The following DTNA variants were observed in gnomAD, a reference collection of about 807,000 sequenced individuals.
DTNA encodes dystrobrevin alpha, also known as dystrophin-related protein 3.
In DTNA, 43 loss-of-function variants were observed where a neutral mutation model predicts 100.7. The ratio of observed to expected loss-of-function variants is 0.43; its 90% CI spans 0.33 to 0.55. The LOEUF (loss-of-function observed/expected upper bound fraction) is 0.55. DTNA is among the 20% of genes least tolerant of loss of function. The pLI is 0.04. For missense variants in DTNA, 798 were observed against 953.9 expected, an observed-to-expected ratio of 0.84 and a Z score of 2.15; for synonymous variants, 349 against 347.9, an observed-to-expected ratio of 1.00 and a Z score of -0.04.
intron 1 of DTNA, among the ~76,000 whole-genome samples, chr18:34,634,705 A>C (rs1568079251): frequency 6.6e-6 from 1 of 152,198 alleles, no homozygotes; most frequent in African/African-American, 2.4e-5. Context: ...TTTAAAAAAA[A>C]TTTAATTAAC....
chr18:34,607,279 A>C (rs1598970729), intron 1 of DTNA, among the ~76,000 whole-genome samples: 1 of 152,320 alleles, frequency 6.6e-6, no homozygotes, highest in East Asian at 1.9e-4. Flanking sequence ...ATTTAAACTA[A>C]GAGTTTCAAG....
chr18:34,794,846 G>A (rs912563906), intron 4 of DTNA, among the ~76,000 whole-genome samples: 5 of 152,256 alleles, frequency 3.3e-5, no homozygotes, highest in African/African-American at 1.2e-4. Flanking sequence ...TTTCAGGGCT[G>A]GCTGAGATCT....
chr18:34,643,388 C>G (rs1180938423), intron 1 of DTNA, among the ~76,000 whole-genome samples: 2 of 152,224 alleles, frequency 1.3e-5, no homozygotes, highest in African/African-American at 4.8e-5. Context: ...TGATAAGAGT[C>G]TACAAGAATC....
intron 1 of DTNA, among the ~76,000 whole-genome samples, chr18:34,505,619 T>G (rs900417846): frequency 4.6e-5 from 7 of 152,214 alleles, no homozygotes; most frequent in Non-Finnish European, 8.8e-5. Context: ...ATTCTGCTCT[T>G]GAGCCCACCC....
chr18:34,783,140 T>C (rs1027764228), intron 3 of DTNA, among the ~76,000 whole-genome samples: 1 of 152,254 alleles, frequency 6.6e-6, no homozygotes, highest in South Asian at 2.1e-4. Context: ...CCTTCTCTTA[T>C]TATTTTTGTA....
At chr18:34,824,523 G>A (rs1282085378) in intron 9 of DTNA, among the ~76,000 whole-genome samples, 3 of 151,554 alleles carry the variant, frequency 2.0e-5, no homozygotes, top group East Asian at 1.9e-4. Flanking sequence ...GTATACCTAC[G>A]TAACAAACCT....
intron 1 of DTNA, among the ~76,000 whole-genome samples, chr18:34,558,352 G>A (rs1488956752): frequency 6.6e-6 from 1 of 152,164 alleles, no homozygotes; most frequent in Non-Finnish European, 1.5e-5. Context: ...CCTGGGAGCT[G>A]TAGACTGGAG....
At chr18:34,846,316 G>C (rs773416148) in intron 13 of DTNA, among the ~76,000 whole-genome samples, 28 of 152,094 alleles carry the variant, frequency 1.8e-4, no homozygotes, top group Admixed American at 4.6e-4. Flanking sequence ...AGGGGATGAG[G>C]ATTACTAATG....
At chr18:34,587,741 G>C (rs1048342824) in intron 1 of DTNA, among the ~76,000 whole-genome samples, 4 of 151,980 alleles carry the variant, frequency 2.6e-5, no homozygotes, top group African/African-American at 9.7e-5. Flanking sequence ...TGGTCTACTT[G>C]GGCCAAACAC....
At chr18:34,851,739 C>A (rs113338432) in intron 14 of DTNA, 92 bp from the exon 15 acceptor site, 51 of 1,308,630 alleles carry the variant, frequency 3.9e-5, no homozygotes, top group Non-Finnish European at 5.2e-5. Context: ...ATAATTCCCT[C>A]CTCCTTGTCT....
chr18:34,732,204 C>T (rs774405921), intron 1 of DTNA, among the ~76,000 whole-genome samples: 1 of 152,144 alleles, frequency 6.6e-6, no homozygotes, highest in Non-Finnish European at 1.5e-5. Context: ...TTATTTTTCC[C>T]CCTAATTTTC....
intron 11 of DTNA, 86 bp from the exon 12 acceptor site, chr18:34,838,008 G>A (rs1026553115): frequency 6.0e-6 from 7 of 1,175,840 alleles, no homozygotes; most frequent in Non-Finnish European, 7.6e-6. Context: ...CTTGGATCTA[G>A]ACTTGGGAGT....
At chr18:34,508,211 G>A (rs1032997106) in intron 1 of DTNA, among the ~76,000 whole-genome samples, 18 of 152,104 alleles carry the variant, frequency 1.2e-4, no homozygotes, top group Non-Finnish European at 1.6e-4. Context: ...TTCTTTTCTA[G>A]AGATGACACC....
intron 11 of DTNA, among the ~76,000 whole-genome samples, chr18:34,829,855 A>G (rs1187904195): frequency 2.0e-5 from 3 of 152,218 alleles, no homozygotes; most frequent in East Asian, 1.9e-4. Context: ...GATCTTTAGC[A>G]TTAACTAGGT....
intron 1 of DTNA, among the ~76,000 whole-genome samples, chr18:34,629,973 T>C (rs543716894): frequency 6.6e-6 from 1 of 152,160 alleles, no homozygotes; most frequent in Non-Finnish European, 1.5e-5. Context: ...CTCTGTGTCG[T>C]AGGGTTAAAT....
At chr18:34,848,413 G>T (rs745863154) in intron 14 of DTNA, 30 bp downstream of exon 14, 2 of 1,607,952 alleles carry the variant, frequency 1.2e-6, no homozygotes, top group Non-Finnish European at 1.7e-6. Context: ...GGATTCGTCT[G>T]TTGGCATCTG....
chr18:34,704,715 C>A (rs1022743222), intron 1 of DTNA, among the ~76,000 whole-genome samples: 1 of 152,150 alleles, frequency 6.6e-6, no homozygotes, highest in African/African-American at 2.4e-5. Context: ...TTCAAAGGTA[C>A]TGAATCAGTA....
rs1602408475 is a variant in DTNA, at chr18:34,808,336, G to A, written c.448+2032G>A. On this transcript the variant is annotated intron_variant, in intron 5 of 22. Transcript: ENST00000444659. ...GGGTGAGGGAGGGGGGCTTGGTGGA[G>A]GTGACAGTCACAGGAGTCACATCTC... 3.3e-5 allele frequency among the ~76,000 whole-genome samples: 5 copies of A among 152,298 alleles called. No homozygotes were observed. The South Asian group carries it at 1.0e-3, about 32-fold the overall frequency.
intron 1 of DTNA, among the ~76,000 whole-genome samples, chr18:34,533,586 T>C (rs1403664206): frequency 6.6e-6 from 1 of 152,010 alleles, no homozygotes; most frequent in Non-Finnish European, 1.5e-5. Flanking sequence ...AAGATTTGAG[T>C]TGAAGTGTTG....
Sources: allele counts gnomAD v4.1 joint callset (sites outside exome capture counted in the v4.1 genomes callset), GRCh38; gene constraint gnomAD v4.1.1; transcripts MANE v1.5; gene names NCBI Gene and HGNC (gene_info 2026-07-23, HGNC 2026-07-21).